Variants in LIN52 observed in about 807,000 individuals in gnomAD.
LIN52 encodes lin-52 DREAM MuvB core complex component, also known as protein lin-52 homolog.
In LIN52, 4 loss-of-function variants were observed where a neutral mutation model predicts 18.5. That is an observed-to-expected ratio of 0.22 (90% CI 0.11 to 0.49). LIN52 has a LOEUF of 0.49. LIN52 is among the 20% of genes least tolerant of loss of function. The pLI is 0.97. For missense variants in LIN52, 102 were observed against 139.5 expected (o/e 0.73, Z 1.35); for synonymous variants, 34 against 45.5 (o/e 0.75, Z 1.02).
intron 5 of LIN52, among the ~76,000 whole-genome samples, chr14:74,115,986 T>A (rs2060961923): frequency 6.6e-6 from 1 of 152,190 alleles, no homozygotes; most frequent in African/African-American, 2.4e-5. Context: ...TAGCATTCCA[T>A]GTAATTCTGC....
rs770930024 is a variant in LIN52 at position 74,199,006 on chromosome 14, G to A, written c.*29G>A. 1.2e-5 allele frequency: 18 copies of A among 1,560,742 alleles called. No homozygotes were observed. The East Asian group carries it at 3.8e-4, about 33-fold the overall frequency. On this transcript the variant is annotated 3_prime_UTR_variant, in exon 6 of 6. Coordinates refer to ENST00000555028, the MANE Select transcript of LIN52 (RefSeq NM_001024674.3). Reference sequence around the variant, plus strand: ...CTGCTTGCGGACAGGATGTCCTGGGGTCCGAAACCAAGCTCCCTTCCCGGT... The same window carrying A: ...CTGCTTGCGGACAGGATGTCCTGGGATCCGAAACCAAGCTCCCTTCCCGGT...
chr14:74,179,657 AAAAAAAAAAAAAGAAAAAAAAG>A (rs1258658077), intron 5 of LIN52, among the ~76,000 whole-genome samples: 1 of 26,046 alleles, frequency 3.8e-5, no homozygotes, highest in Non-Finnish European at 1.3e-4. Flanking sequence ...CTCCATCTCA[AAAAAAAAAAAAAGAAAAAAAAG>A]AAAAAAAAAT....
chr14:74,110,380 C>G (rs2060919141), intron 5 of LIN52, among the ~76,000 whole-genome samples: 1 of 152,042 alleles, frequency 6.6e-6, no homozygotes, highest in African/African-American at 2.4e-5. Flanking sequence ...GACCCCATCT[C>G]TAAAAGAAAA....
At chr14:74,102,786 C>T (rs952765295) in intron 5 of LIN52, among the ~76,000 whole-genome samples, 52 of 152,164 alleles carry the variant, frequency 3.4e-4, no homozygotes, top group African/African-American at 1.2e-3. Flanking sequence ...GTAGTATTAT[C>T]TATAGTTATA....
intron 2 of LIN52, 127 bp downstream of exon 2, chr14:74,091,433 T>C (rs963530190): frequency 1.7e-5 from 11 of 629,238 alleles, no homozygotes; most frequent in Non-Finnish European, 2.9e-5. Flanking sequence ...AATTTAGCAG[T>C]GGGGGGTTGT....
chr14:74,190,409 T>TTTTTTTTTTAGACAGA (rs2061358712), intron 5 of LIN52, among the ~76,000 whole-genome samples: 1 of 139,590 alleles, frequency 7.2e-6, no homozygotes, highest in Non-Finnish European at 1.6e-5. Flanking sequence ...TTTTTTTTTT[T>TTTTTTTTTTAGACAGA]GAGACAGAGT....
chr14:74,135,027 A>G (rs150822767), intron 5 of LIN52, among the ~76,000 whole-genome samples: 1,529 of 152,290 alleles, frequency 0.01, 23 homozygotes, highest in Admixed American at 0.03. Context: ...CTATCCTTGC[A>G]TACCCTGAAC....
intron 5 of LIN52, among the ~76,000 whole-genome samples, chr14:74,193,829 C>T (rs556978946): frequency 6.6e-6 from 1 of 152,052 alleles, no homozygotes; most frequent in East Asian, 1.9e-4. Flanking sequence ...TTCCTGGCCA[C>T]TCATATTACA....
intron 5 of LIN52, among the ~76,000 whole-genome samples, chr14:74,178,781 C>G (rs2061304077): frequency 6.6e-6 from 1 of 151,386 alleles, no homozygotes; most frequent in Non-Finnish European, 1.5e-5. Context: ...GTTCTTCTAC[C>G]TTCAAAAAAA....
chr14:74,108,971 T>C (rs887616095), intron 5 of LIN52, among the ~76,000 whole-genome samples: 1 of 152,226 alleles, frequency 6.6e-6, no homozygotes, highest in African/African-American at 2.4e-5. Context: ...TGATAAACCA[T>C]TGCCTAATCC....
intron 5 of LIN52, among the ~76,000 whole-genome samples, chr14:74,116,015 GA>G (rs1441559545): frequency 6.6e-6 from 1 of 152,080 alleles, no homozygotes. Flanking sequence ...TGATAAATAA[GA>G]AAATGGGCCA....
At chr14:74,183,779 A>G (rs2061329751) in intron 5 of LIN52, among the ~76,000 whole-genome samples, 1 of 152,120 alleles carries the variant, frequency 6.6e-6, no homozygotes, top group African/African-American at 2.4e-5. Flanking sequence ...ATGTCATACC[A>G]TTTCATTCAT....
chr14:74,186,972 C>T (rs543750442), intron 5 of LIN52, among the ~76,000 whole-genome samples: 13 of 151,958 alleles, frequency 8.6e-5, no homozygotes, highest in East Asian at 1.9e-4. Context: ...TGAGCTACTC[C>T]GAAGTCTGAG....
chr14:74,164,561 C>A (rs963429355), intron 5 of LIN52, among the ~76,000 whole-genome samples: 2 of 152,200 alleles, frequency 1.3e-5, no homozygotes, highest in Non-Finnish European at 2.9e-5. Flanking sequence ...GCTGGGATTA[C>A]AGGTGTGAGC....
intron 5 of LIN52, among the ~76,000 whole-genome samples, chr14:74,181,267 G>A (rs2061317585): frequency 6.6e-6 from 1 of 151,696 alleles, no homozygotes; most frequent in Non-Finnish European, 1.5e-5. Flanking sequence ...AATGTAGCGA[G>A]ACCTCATCTA....
At chr14:74,147,347 T>C (rs1158413470) in intron 5 of LIN52, among the ~76,000 whole-genome samples, 1 of 152,094 alleles carries the variant, frequency 6.6e-6, no homozygotes, top group Non-Finnish European at 1.5e-5. Context: ...TCAAAATGGA[T>C]CATGGACCTA....
At chr14:74,134,100 T>C (rs967815267) in intron 5 of LIN52, among the ~76,000 whole-genome samples, 1 of 152,268 alleles carries the variant, frequency 6.6e-6, no homozygotes, top group African/African-American at 2.4e-5. Flanking sequence ...GTCAGCTCTT[T>C]AATTTCTTCT....
At chr14:74,165,508 C>CTTTTCTTTTTTT (rs2061244700) in intron 5 of LIN52, among the ~76,000 whole-genome samples, 1 of 76,440 alleles carries the variant, frequency 1.3e-5, no homozygotes, top group African/African-American at 6.5e-5. Context: ...TACAGGTTTT[C>CTTTTCTTTTTTT]TTTTCTTTTT....
At chr14:74,109,148 G>A (rs1056118705) in intron 5 of LIN52, among the ~76,000 whole-genome samples, 1 of 152,150 alleles carries the variant, frequency 6.6e-6, no homozygotes, top group Non-Finnish European at 1.5e-5. Context: ...TTGTTGAAAA[G>A]ACTATCCTTT....
Sources: gnomAD v4.1 joint callset for allele counts (sites outside exome capture counted in the v4.1 genomes callset) on GRCh38, gnomAD v4.1.1 for gene constraint, MANE v1.5 for transcripts, NCBI Gene and HGNC (gene_info 2026-07-23, HGNC 2026-07-21) for gene names.